The following RERE variants were observed in gnomAD, a reference collection of about 807,000 sequenced individuals.
The protein encoded by RERE is arginine-glutamic acid dipeptide repeats protein.
A neutral mutation model predicts 146.1 loss-of-function variants in RERE; 40 were observed. The ratio of observed to expected loss-of-function variants is 0.27; its 90% CI spans 0.21 to 0.36. The LOEUF is 0.36. Ranked by LOEUF, RERE falls within the 10% of genes least tolerant of loss-of-function variation. RERE has a pLI of 1.00. For missense variants in RERE, 1,933 were observed against 2,138.7 expected (o/e 0.90, Z 1.90); for synonymous variants, 1,003 against 866.0 (o/e 1.16, Z -2.78).
intron 1 of RERE, among the ~76,000 whole-genome samples, chr1:8,737,729 C>T (rs1052715967): frequency 6.6e-6 from 1 of 151,992 alleles, no homozygotes; most frequent in South Asian, 2.1e-4. Flanking sequence ...AGCCACCACA[C>T]GTGGCTGGAA....
chr1:8,675,738 T>TATACATACATAC (rs59265268), intron 1 of RERE, among the ~76,000 whole-genome samples: 1,519 of 147,880 alleles, frequency 0.01, 12 homozygotes, highest in African/African-American at 0.018. Context: ...TACATACATA[T>TATACATACATAC]ATACATACAT....
At chr1:8,703,268 G>A (rs980912914) in intron 1 of RERE, 22 of 149,862 alleles carry the variant, frequency 1.5e-4, no homozygotes, top group African/African-American at 4.6e-4. Context: ...GCGGCTCCGG[G>A]AGGCGGTGGC....
At chr1:8,673,098 T>C (rs753977588) in intron 1 of RERE, among the ~76,000 whole-genome samples, 3 of 152,068 alleles carry the variant, frequency 2.0e-5, no homozygotes, top group Non-Finnish European at 4.4e-5. Context: ...CTAATTCATT[T>C]ATTTATTTAT....
rs1643951110 is a variant in RERE at position 8,423,661 on chromosome 1, C to T, written c.1204-854G>A. The T allele has an allele frequency of 1.0e-6, 1 of 984,440 alleles. No individual in the cohort carries two copies. Among genetic ancestry groups the T allele is most frequent in the Non-Finnish European group, 1.2e-6 (1 of 829,680 alleles). The allele number at this position is 984,440 out of a possible 1,614,324, so 61.0% of individuals were successfully genotyped here. Reference sequence around the variant, plus strand: ...GAGGCCGTCGCCTGTCACTGGGCTCCGGCTCCACAAAGCGCAGGGCGGAGG... The same window carrying T: ...GAGGCCGTCGCCTGTCACTGGGCTCTGGCTCCACAAAGCGCAGGGCGGAGG... On this transcript the variant is annotated intron_variant, in intron 11 of 22. Coordinates refer to ENST00000400908, the MANE Select transcript of RERE (RefSeq NM_001042681.2). The surrounding 1 kb of genome is among the most constrained non-coding windows in gnomAD (Gnocchi z 5.4).
rs1557590389 is a variant in RERE, at chr1:8,364,697, A to G, written c.1540+49T>C. 5 of 1,332,054 alleles carry G rather than the reference A, an allele frequency of 3.8e-6. No individual in the cohort carries two copies. The highest frequency in any genetic ancestry group is 5.4e-6 in the Non-Finnish European group (5 of 924,060). 82.5% of individuals were successfully genotyped at this position (1,332,054 alleles called of 1,614,324 possible). On this transcript the variant is annotated intron_variant, in intron 14 of 22. Coordinates refer to ENST00000400908, the MANE Select transcript of RERE (RefSeq NM_001042681.2). This position sits in a 1 kb window ranked among gnomAD's most constrained non-coding sequence, Gnocchi z 5.1. The stretch of plus-strand genomic sequence containing the variant: ...GATGCATGAAATGTTCAGAACATGG[A>G]AGTGCTTGTGCCCCCGCCCCGCCCC...
intron 1 of RERE, among the ~76,000 whole-genome samples, chr1:8,675,940 A>G (rs1016719657): frequency 1.3e-5 from 2 of 152,198 alleles, no homozygotes; most frequent in South Asian, 2.1e-4. Context: ...TTTGAGCATC[A>G]TCTTAGCACC....
chr1:8,560,637 G>A (rs1646067026), intron 4 of RERE, among the ~76,000 whole-genome samples: 1 of 152,104 alleles, frequency 6.6e-6, no homozygotes, highest in South Asian at 2.1e-4. Context: ...AATAATTACT[G>A]AAAGAATAGA....
chr1:8,486,768 A>AG (rs1553173142), intron 10 of RERE, among the ~76,000 whole-genome samples: 1,741 of 150,834 alleles, frequency 0.012, 33 homozygotes, highest in African/African-American at 0.04. Flanking sequence ...AAAAAAAAAA[A>AG]AAAAGAAAAG....
chr1:8,605,135 C>A (rs974438942), intron 4 of RERE, among the ~76,000 whole-genome samples: 1 of 152,066 alleles, frequency 6.6e-6, no homozygotes, highest in Non-Finnish European at 1.5e-5. Context: ...TCTTTCCCAA[C>A]TTTTTTCTTT....
chr1:8,816,079 C>A (rs1358147839), intron 1 of RERE, among the ~76,000 whole-genome samples: 2 of 152,144 alleles, frequency 1.3e-5, no homozygotes, highest in East Asian at 1.9e-4. Flanking sequence ...CCTCCCCCAA[C>A]AGACTGAGAC....
chr1:8,562,110 A>C (rs1338790518), intron 4 of RERE, among the ~76,000 whole-genome samples: 1 of 152,210 alleles, frequency 6.6e-6, no homozygotes, highest in Non-Finnish European at 1.5e-5. Flanking sequence ...AAAATGTCAG[A>C]TATTACTATC....
chr1:8,361,275 G>A lies in RERE; in HGVS notation c.2232C>T (p.Pro744=). ...AGGAGGGAGCTGGGGTGACCCCAGT[G>A]GGAGCCTGCAAGGCTGGGGGCTGGG... is the stretch of plus-strand genomic sequence containing the variant. ...LQAQPPALQA[P]TGVTPAPSSA... is the part of the protein sequence containing the mutation. The change falls in exon 18 of 23, where the codon CCC becomes CCT. Residue 744 remains proline, a synonymous_variant. Coordinates refer to ENST00000400908, the MANE Select transcript of RERE (RefSeq NM_001042681.2). 1 of 1,594,836 alleles carries A rather than the reference G, an allele frequency of 6.3e-7. No homozygotes were observed. Among genetic ancestry groups the A allele is most frequent in the South Asian group, 1.1e-5 (1 of 88,016 alleles).
At chr1:8,368,522 C>A (rs1201282619) in intron 12 of RERE, among the ~76,000 whole-genome samples, 1 of 148,578 alleles carries the variant, frequency 6.7e-6, no homozygotes, top group Non-Finnish European at 1.5e-5. Flanking sequence ...AGAAGAAATG[C>A]AAAGCTATAC....
At chr1:8,643,878 A>G (rs1281616534) in intron 2 of RERE, among the ~76,000 whole-genome samples, 2 of 152,122 alleles carry the variant, frequency 1.3e-5, no homozygotes, top group Admixed American at 6.5e-5. Flanking sequence ...ATTCTCACCT[A>G]TTTTTTTCCT....
chr1:8,678,162 G>A (rs969189763), intron 1 of RERE, among the ~76,000 whole-genome samples: 7 of 152,104 alleles, frequency 4.6e-5, no homozygotes, highest in African/African-American at 1.7e-4. Context: ...ATTTACCTCT[G>A]AAAGTAATGA....
At chr1:8,707,583 A>AT (rs1639582488) in intron 1 of RERE, among the ~76,000 whole-genome samples, 2 of 152,206 alleles carry the variant, frequency 1.3e-5, no homozygotes, top group African/African-American at 4.8e-5. Context: ...AATAACACTA[A>AT]TAAGTGTCAA....
intron 12 of RERE, among the ~76,000 whole-genome samples, chr1:8,420,164 G>T (rs1273507048): frequency 6.6e-6 from 1 of 152,138 alleles, no homozygotes; most frequent in African/African-American, 2.4e-5. Flanking sequence ...TAATAATTCT[G>T]GTAGACAGAA....
At chr1:8,743,842 C>G (rs1357886530) in intron 1 of RERE, among the ~76,000 whole-genome samples, 2 of 152,122 alleles carry the variant, frequency 1.3e-5, no homozygotes, top group Non-Finnish European at 2.9e-5. Flanking sequence ...CTTGCCATTT[C>G]CCCTGTGCCT....
chr1:8,383,844 G>T (rs1570106022), intron 12 of RERE, among the ~76,000 whole-genome samples: 1 of 147,408 alleles, frequency 6.8e-6, no homozygotes, highest in South Asian at 2.1e-4. Context: ...GGGTGACAAA[G>T]TGAGACTCTG....
Sources: gnomAD v4.1 joint callset for allele counts (sites outside exome capture counted in the v4.1 genomes callset) on GRCh38, gnomAD v4.1.1 for gene constraint, Gnocchi (gnomAD v3.1) non-coding constraint, MANE v1.5 for transcripts, NCBI Gene and HGNC (gene_info 2026-07-23, HGNC 2026-07-21) for gene names.